The following NELL1 variants were observed in gnomAD, a reference collection of about 807,000 sequenced individuals.
NELL1 encodes the protein neural EGFL like 1.
A neutral mutation model predicts 107.4 loss-of-function variants in NELL1; 76 were observed. That is an observed-to-expected ratio of 0.71 (90% confidence interval 0.59 to 0.86). The LOEUF (loss-of-function observed/expected upper bound fraction) is 0.86. Among genes scored for constraint, NELL1 ranks in the 40% least tolerant of loss-of-function variants. The probability of loss-of-function intolerance (pLI) is 0.00; values close to 1 mark genes in which losing one functional copy is unlikely to be tolerated. For synonymous variants in NELL1, 353 were observed against 341.2 expected (o/e 1.03, Z -0.38); for missense variants, 1,024 against 1,005.5 (o/e 1.02, Z -0.25).
chr11:21,514,979 G>T (rs1322786755), intron 15 of NELL1, among the ~76,000 whole-genome samples: 1 of 152,158 alleles, frequency 6.6e-6, no homozygotes, highest in Non-Finnish European at 1.5e-5. Context: ...TCTTAGAGGG[G>T]TTTCTTATAG....
intron 2 of NELL1, among the ~76,000 whole-genome samples, chr11:20,719,731 T>C (rs1424797136): frequency 6.6e-6 from 1 of 152,248 alleles, no homozygotes; most frequent in Non-Finnish European, 1.5e-5. Flanking sequence ...TAAACAATCA[T>C]TGACTCTTTT....
At chr11:21,129,117 C>T (rs993131594) in intron 13 of NELL1, among the ~76,000 whole-genome samples, 5 of 152,034 alleles carry the variant, frequency 3.3e-5, no homozygotes, top group African/African-American at 9.7e-5. Flanking sequence ...AGCTTTTCTC[C>T]TTAAATCTTG....
chr11:21,390,790 C>T (rs1380825567), intron 15 of NELL1, among the ~76,000 whole-genome samples: 2 of 151,806 alleles, frequency 1.3e-5, no homozygotes, highest in Non-Finnish European at 2.9e-5. Flanking sequence ...TAATAATGTC[C>T]TCCCAATACA....
rs934892816 is a variant in NELL1 at position 20,826,667 on chromosome 11, C to T, written c.336-20916C>T. On this transcript the variant is annotated intron_variant, in intron 3 of 19. Transcript: ENST00000357134. ...GGAACCGGCTGGGGGATTGACACCCCTTCAGGAAAATCACCCAAAGGCTGA... is the reference window on the plus strand; with the variant it reads ...GGAACCGGCTGGGGGATTGACACCCTTTCAGGAAAATCACCCAAAGGCTGA... Among the ~76,000 whole-genome samples the T allele has an allele frequency of 1.1e-4, 17 of 151,054 alleles. 1 individual carries two copies. Among genetic ancestry groups the T allele is most frequent in the African/African-American group, 1.9e-4 (8 of 41,328 alleles).
chr11:21,304,940 T>G (rs772376832), intron 14 of NELL1, among the ~76,000 whole-genome samples: 14 of 151,904 alleles, frequency 9.2e-5, no homozygotes, highest in Non-Finnish European at 1.9e-4. Flanking sequence ...CAAGAAGACA[T>G]TGGTGTACTG....
chr11:21,343,104 GCAC>G (rs1490037543), intron 14 of NELL1, among the ~76,000 whole-genome samples: 2 of 151,742 alleles, frequency 1.3e-5, no homozygotes, highest in African/African-American at 2.4e-5. Context: ...ACTGCTCTTT[GCAC>G]CAAGAAAGCT....
intron 5 of NELL1, among the ~76,000 whole-genome samples, chr11:20,916,011 T>G (rs1347040522): frequency 6.6e-6 from 1 of 151,708 alleles, no homozygotes. Flanking sequence ...GTATCACCAC[T>G]TTTCTTTTAA....
intron 3 of NELL1, among the ~76,000 whole-genome samples, chr11:20,792,062 G>A (rs1223245023): frequency 6.6e-6 from 1 of 151,826 alleles, no homozygotes; most frequent in Non-Finnish European, 1.5e-5. Context: ...GTGAGGTATT[G>A]GTCTGCAGCT....
At chr11:21,565,590 T>C (rs2134007434) in intron 17 of NELL1, among the ~76,000 whole-genome samples, 1 of 151,972 alleles carries the variant, frequency 6.6e-6, no homozygotes, top group South Asian at 2.1e-4. Flanking sequence ...TTTGAAAACT[T>C]TTGCCCCAAG....
chr11:20,745,535 G>A (rs1052981027), intron 2 of NELL1, among the ~76,000 whole-genome samples: 29 of 152,116 alleles, frequency 1.9e-4, no homozygotes, highest in African/African-American at 6.5e-4. Flanking sequence ...AAGTAGTTGA[G>A]TCCTGAATAA....
intron 15 of NELL1, among the ~76,000 whole-genome samples, chr11:21,484,900 A>G (rs1275115159): frequency 3.3e-5 from 5 of 152,130 alleles, no homozygotes; most frequent in African/African-American, 1.2e-4. Flanking sequence ...CACAGTTCAC[A>G]TAGATTTCCT....
At chr11:21,249,222 TG>T in intron 14 of NELL1, among the ~76,000 whole-genome samples, 1 of 152,280 alleles carries the variant, frequency 6.6e-6, no homozygotes, top group South Asian at 2.1e-4. Context: ...GAGATATATT[TG>T]GTGTAGAGAT....
intron 14 of NELL1, among the ~76,000 whole-genome samples, chr11:21,252,794 A>C (rs952298226): frequency 6.6e-6 from 1 of 152,192 alleles, no homozygotes; most frequent in Non-Finnish European, 1.5e-5. Flanking sequence ...GGTCATTAAG[A>C]ATAACACAAA....
At chr11:21,161,944 C>CTTTTTTTTTTTTTTTTTTTTTTTTTTTT (rs34422649) in intron 13 of NELL1, among the ~76,000 whole-genome samples, 1 of 83,062 alleles carries the variant, frequency 1.2e-5, no homozygotes, top group African/African-American at 4.8e-5. Context: ...GGAACATAAT[C>CTTTTTTTTTTTTTTTTTTTTTTTTTTTT]TTTTTTTTTT....
chr11:21,326,753 A>G (rs1352793472), intron 14 of NELL1, among the ~76,000 whole-genome samples: 1 of 152,034 alleles, frequency 6.6e-6, no homozygotes, highest in East Asian at 1.9e-4. Context: ...ATAGAATTAT[A>G]GACTACTTTT....
intron 14 of NELL1, among the ~76,000 whole-genome samples, chr11:21,319,612 G>T (rs1169465529): frequency 6.6e-6 from 1 of 151,250 alleles, no homozygotes; most frequent in Non-Finnish European, 1.5e-5. Flanking sequence ...AAAGTGCTGG[G>T]ATTACAAGCG....
At chr11:21,199,584 A>C (rs1480778377) in intron 13 of NELL1, among the ~76,000 whole-genome samples, 1 of 152,128 alleles carries the variant, frequency 6.6e-6, no homozygotes, top group Non-Finnish European at 1.5e-5. Flanking sequence ...TAGTTAGAAA[A>C]AAGCTATCAA....
intron 3 of NELL1, among the ~76,000 whole-genome samples, chr11:20,819,127 C>T (rs1857690695): frequency 1.3e-5 from 2 of 152,122 alleles, no homozygotes; most frequent in East Asian, 1.9e-4. Flanking sequence ...CCCAAACTTA[C>T]TTTTATCATG....
chr11:20,954,409 A>G (rs1190301434), intron 11 of NELL1, among the ~76,000 whole-genome samples: 1 of 152,052 alleles, frequency 6.6e-6, no homozygotes, highest in Non-Finnish European at 1.5e-5. Context: ...GTTTTTTGTT[A>G]TCTTGAAATG....
Sources: allele counts gnomAD v4.1 joint callset (sites outside exome capture counted in the v4.1 genomes callset), GRCh38; gene constraint gnomAD v4.1.1; transcripts MANE v1.5; gene names NCBI Gene and HGNC (gene_info 2026-07-23, HGNC 2026-07-21).